CACNA2D3: variants seen among roughly 807,000 people sequenced by gnomAD.
CACNA2D3 encodes voltage-dependent calcium channel subunit alpha-2/delta-3.
Under a neutral mutation model 160.6 loss-of-function variants are expected in CACNA2D3, and 60 were observed. The ratio of observed to expected loss-of-function variants is 0.37; its 90% CI spans 0.30 to 0.46. CACNA2D3 has a LOEUF of 0.46. Among genes scored for constraint, CACNA2D3 ranks in the 20% least tolerant of loss-of-function variants. The pLI, the probability that CACNA2D3 is intolerant of heterozygous loss-of-function variation, is 1.00. For missense variants in CACNA2D3, 1,205 were observed against 1,365.0 expected (o/e 0.88, Z 1.85); for synonymous variants, 558 against 492.9 (o/e 1.13, Z -1.75).
At chr3:54,150,941 A>G (rs1700138411) in intron 2 of CACNA2D3, among the ~76,000 whole-genome samples, 1 of 151,906 alleles carries the variant, frequency 6.6e-6, no homozygotes, top group Non-Finnish European at 1.5e-5. Flanking sequence ...GGATAGACGA[A>G]TGAATGGATG....
At chr3:54,548,506 C>G (rs1305362873) in intron 5 of CACNA2D3, among the ~76,000 whole-genome samples, 2 of 152,176 alleles carry the variant, frequency 1.3e-5, no homozygotes, top group Non-Finnish European at 1.5e-5. Flanking sequence ...AGCAGCAGTT[C>G]CTTTCCTAGG....
rs181012225 is a variant in CACNA2D3 at position 54,797,410 on chromosome 3, C to T, written c.1381-19443C>T. Among the ~76,000 whole-genome samples the T allele has an allele frequency of 1.5e-4, 23 of 152,198 alleles. 1 individual carries two copies. The East Asian group carries it at 3.7e-3, about 24-fold the overall frequency. ...ACAATTTCAGTAGGTGGTAGAAGCC[C>T]GTGTCACTGTGATTAACTATCTTTA... On this transcript the variant is annotated intron_variant, in intron 13 of 37. Transcript: ENST00000474759.
chr3:54,248,783 CA>C (rs1486218606), intron 2 of CACNA2D3, among the ~76,000 whole-genome samples: 1 of 152,124 alleles, frequency 6.6e-6, no homozygotes, highest in Non-Finnish European at 1.5e-5. Flanking sequence ...CTGATTAATA[CA>C]AATTTTAAGG....
chr3:54,918,587 A>T, intron 27 of CACNA2D3: 1 of 1,614,148 alleles, frequency 6.2e-7, no homozygotes, highest in Non-Finnish European at 8.5e-7. Flanking sequence ...GCAGCTGCCA[A>T]CATCATGAGA....
chr3:54,596,679 G>A (rs897542833), intron 9 of CACNA2D3, among the ~76,000 whole-genome samples: 78 of 151,934 alleles, frequency 5.1e-4, no homozygotes, highest in African/African-American at 1.7e-3. Flanking sequence ...TTCTCTCTTC[G>A]TCTTTCCTGA....
chr3:55,044,484 T>C (rs961799813), intron 35 of CACNA2D3, among the ~76,000 whole-genome samples: 3 of 152,238 alleles, frequency 2.0e-5, no homozygotes, highest in African/African-American at 7.2e-5. Flanking sequence ...TAGTCAACAC[T>C]TGCTTTTTTA....
chr3:54,960,290 CAT>C lies in CACNA2D3; in HGVS notation c.2450-8155_2450-8154del, dbSNP rs10541138. Among the ~76,000 whole-genome samples the C allele has an allele frequency of 8.8e-3, 1,335 of 152,204 alleles. 24 individuals are homozygous for C. The highest frequency in any genetic ancestry group is 0.03 in the African/African-American group (1,259 of 41,528). ...TCTCCTCCCTCTCTCTCACCACAGA[CAT>C]ATATCATGGAGTGCTTTGTTATTTA... On this transcript the variant is annotated intron_variant, in intron 27 of 37. Coordinates refer to ENST00000474759, the MANE Select transcript of CACNA2D3 (RefSeq NM_018398.3).
chr3:54,221,658 T>TG (rs561688629), intron 2 of CACNA2D3, among the ~76,000 whole-genome samples: 78 of 152,346 alleles, frequency 5.1e-4, no homozygotes, highest in African/African-American at 1.7e-3. Flanking sequence ...AATTCACAGA[T>TG]GCTAAAGTCT....
intron 27 of CACNA2D3, among the ~76,000 whole-genome samples, chr3:54,932,592 G>A (rs1701216289): frequency 6.6e-6 from 1 of 152,160 alleles, no homozygotes; most frequent in African/African-American, 2.4e-5. Context: ...TGTAAATATA[G>A]CATGCCTAGA....
In CACNA2D3 at chr3:55,074,258, A is replaced by G; in HGVS notation, c.*52A>G. 1.4e-6 allele frequency: 2 copies of G among 1,454,178 alleles called. No homozygotes were observed. The highest frequency in any genetic ancestry group is 9.7e-7 in the Non-Finnish European group (1 of 1,033,466). The allele number at this position is 1,454,178 out of a possible 1,614,324, so 90.1% of individuals were successfully genotyped here. The stretch of plus-strand genomic sequence containing the variant: ...CTGAGATGTTCTCTTGGCATGCTAA[A>G]TCATGGATAAACTGTGAACCAAAAT... On this transcript the variant is annotated 3_prime_UTR_variant, in exon 38 of 38. Transcript: ENST00000474759.
At chr3:54,444,395 T>C (rs1250235141) in intron 4 of CACNA2D3, among the ~76,000 whole-genome samples, 1 of 152,210 alleles carries the variant, frequency 6.6e-6, no homozygotes, top group East Asian at 1.9e-4. Flanking sequence ...GTCCCCTGTG[T>C]GTTTTCAAAA....
At chr3:54,916,516 A>G (rs1700663425) in intron 27 of CACNA2D3, among the ~76,000 whole-genome samples, 1 of 152,178 alleles carries the variant, frequency 6.6e-6, no homozygotes, top group Admixed American at 6.5e-5. Flanking sequence ...TTCAGAAAAA[A>G]ATTACCATCG....
chr3:54,444,729 T>C (rs1700194531), intron 4 of CACNA2D3, among the ~76,000 whole-genome samples: 1 of 152,204 alleles, frequency 6.6e-6, no homozygotes, highest in Non-Finnish European at 1.5e-5. Flanking sequence ...TTAGTCTGAA[T>C]TTTGAGGCCC....
chr3:54,331,844 A>G (rs942601116), intron 3 of CACNA2D3, among the ~76,000 whole-genome samples: 2 of 152,108 alleles, frequency 1.3e-5, no homozygotes, highest in African/African-American at 2.4e-5. Flanking sequence ...TTTTCTCCCA[A>G]TCTCAAAAAG....
At chr3:54,161,450 C>T (rs6789853) in intron 2 of CACNA2D3, among the ~76,000 whole-genome samples, 2,921 of 152,338 alleles carry the variant, frequency 0.019, 90 homozygotes, top group African/African-American at 0.068. Flanking sequence ...GGGGCACCTA[C>T]CAGGGAGGAT....
chr3:54,956,001 A>G (rs574459855), intron 27 of CACNA2D3, among the ~76,000 whole-genome samples: 57 of 152,302 alleles, frequency 3.7e-4, no homozygotes, highest in African/African-American at 1.3e-3. Context: ...ATTCCAGGAA[A>G]TGAGAGGGAA....
At chr3:54,835,078 C>T (rs1048156544) in intron 14 of CACNA2D3, among the ~76,000 whole-genome samples, 36 of 152,198 alleles carry the variant, frequency 2.4e-4, no homozygotes, top group Admixed American at 1.6e-3. Flanking sequence ...GATGGCCTAG[C>T]CAAGTTGACA....
chr3:54,993,084 C>T (rs1479871949), intron 31 of CACNA2D3, among the ~76,000 whole-genome samples: 2 of 152,212 alleles, frequency 1.3e-5, no homozygotes, highest in African/African-American at 4.8e-5. Flanking sequence ...TCACTTCCAT[C>T]TGCCCCCATG....
intron 3 of CACNA2D3, among the ~76,000 whole-genome samples, chr3:54,355,882 G>A (rs1268253038): frequency 6.6e-6 from 1 of 152,190 alleles, no homozygotes; most frequent in Non-Finnish European, 1.5e-5. Context: ...ACTTCATAGT[G>A]CAAAGTGCAT....
Sources: allele counts gnomAD v4.1 joint callset (sites outside exome capture counted in the v4.1 genomes callset), GRCh38; gene constraint gnomAD v4.1.1; transcripts MANE v1.5; gene names NCBI Gene and HGNC (gene_info 2026-07-23, HGNC 2026-07-21).